Variants in ANKRD12 observed in about 807,000 individuals in gnomAD.
ANKRD12 encodes the protein ankyrin repeat domain-containing protein 12.
A neutral mutation model predicts 183.4 loss-of-function variants in ANKRD12; 85 were observed. The observed-to-expected ratio is 0.46, with a 90% CI of 0.39 to 0.56. The LOEUF is 0.56. ANKRD12 is among the 20% of genes least tolerant of loss of function. The probability of loss-of-function intolerance (pLI) is 0.00; values close to 1 mark genes in which losing one functional copy is unlikely to be tolerated. For synonymous variants in ANKRD12, 914 were observed against 800.2 expected (o/e 1.14, Z -2.40); for missense variants, 2,405 against 2,357.1 (o/e 1.02, Z -0.42).
At chr18:9,228,485 A>AT (rs1332421075) in intron 8 of ANKRD12, among the ~76,000 whole-genome samples, 1 of 152,018 alleles carries the variant, frequency 6.6e-6, no homozygotes, top group Non-Finnish European at 1.5e-5. Flanking sequence ...AGTAACTGTT[A>AT]TTTTTTGTCT....
intron 2 of ANKRD12, among the ~76,000 whole-genome samples, chr18:9,195,042 G>A (rs2034692176): frequency 6.6e-6 from 1 of 152,156 alleles, no homozygotes; most frequent in African/African-American, 2.4e-5. Context: ...CAGCAACATG[G>A]ATGGAGCTGG....
intron 8 of ANKRD12, among the ~76,000 whole-genome samples, chr18:9,248,612 A>G (rs1331876717): frequency 6.6e-6 from 1 of 152,240 alleles, no homozygotes; most frequent in Non-Finnish European, 1.5e-5. Flanking sequence ...CATAAAGTAC[A>G]TATATAAATA....
chr18:9,203,471 G>A (rs72937277), intron 3 of ANKRD12, among the ~76,000 whole-genome samples: 3,800 of 152,152 alleles, frequency 0.025, 76 homozygotes, highest in Non-Finnish European at 0.032. Context: ...GCATTTATAA[G>A]TCAAAATATA....
chr18:9,205,172 A>G (rs542449597), intron 4 of ANKRD12, among the ~76,000 whole-genome samples: 5 of 152,334 alleles, frequency 3.3e-5, no homozygotes, highest in African/African-American at 9.6e-5. Context: ...TGCTCCAGAT[A>G]GAATACAAGA....
rs72935268 is a variant in ANKRD12 at position 9,158,212 on chromosome 18, C to T, written c.-52+21247C>T. 2.0e-3 allele frequency among the ~76,000 whole-genome samples: 303 copies of T among 152,162 alleles called. 2 individuals carry two copies. The highest frequency in any genetic ancestry group is 3.4e-3 in the Middle Eastern group (1 of 294). ...TTCCTGTGTACCTTTATACCAGTTG[C>T]CTCTATTAACATCTTACATTGGGAT... is the stretch of plus-strand genomic sequence containing the variant. On this transcript the variant is annotated intron_variant, in intron 1 of 12. Coordinates refer to ENST00000262126, the MANE Select transcript of ANKRD12 (RefSeq NM_015208.5).
chr18:9,147,581 C>A (rs1211521870), intron 1 of ANKRD12, among the ~76,000 whole-genome samples: 1 of 152,164 alleles, frequency 6.6e-6, no homozygotes, highest in Non-Finnish European at 1.5e-5. Context: ...GTGACCTATT[C>A]AGTGAAGCCT....
At chr18:9,182,561 GA>G in intron 2 of ANKRD12, 42 bp downstream of exon 2, 22 of 1,300,534 alleles carry the variant, frequency 1.7e-5, no homozygotes, top group Admixed American at 6.7e-5. Flanking sequence ...TTTGAACTGG[GA>G]AAAAGACTCC....
At chr18:9,202,303 C>T (rs1228643393) in intron 3 of ANKRD12, among the ~76,000 whole-genome samples, 1 of 152,102 alleles carries the variant, frequency 6.6e-6, no homozygotes, top group East Asian at 1.9e-4. Context: ...AAGGGTTTAC[C>T]ATATTATAAT....
At chr18:9,230,505 AGTTT>A (rs993660625) in intron 8 of ANKRD12, among the ~76,000 whole-genome samples, 9 of 151,022 alleles carry the variant, frequency 6.0e-5, no homozygotes, top group Non-Finnish European at 1.2e-4. Context: ...CATGAGGTTT[AGTTT>A]GTTTTTGCTT....
In ANKRD12 at chr18:9,256,880, T is replaced by A; in HGVS notation, c.3613T>A (p.Ser1205Thr). 6.2e-7 allele frequency: 1 copy of A among 1,613,974 alleles called. No homozygotes were observed. Among genetic ancestry groups the A allele is most frequent in the Non-Finnish European group, 8.5e-7 (1 of 1,179,954 alleles). The change falls in exon 9 of 13, where the codon TCC (serine) becomes ACC (threonine). Residue 1205 changes from serine to threonine, a missense_variant. This residue lies in a region of ANKRD12 where 1,983 missense variants were observed against 1,725.9 expected (regional missense o/e 1.15). Coordinates refer to ENST00000262126, the MANE Select transcript of ANKRD12 (RefSeq NM_015208.5). ...GCCGGGTCTCAGCTCCAGATCTGTATCCATGATTTCTGTTGCTAGTTCAGA... is the reference window on the plus strand; with the variant it reads ...GCCGGGTCTCAGCTCCAGATCTGTAACCATGATTTCTGTTGCTAGTTCAGA... Reference protein sequence around the residue: ...EKPGLSSRSVSMISVASSEDS... With the variant: ...EKPGLSSRSVTMISVASSEDS...
At chr18:9,145,202 A>G (rs2078452846) in intron 1 of ANKRD12, among the ~76,000 whole-genome samples, 1 of 152,150 alleles carries the variant, frequency 6.6e-6, no homozygotes, top group Admixed American at 6.5e-5. Context: ...AGCTCACTAC[A>G]GCCTCAAACT....
In ANKRD12 at chr18:9,218,557, T is replaced by C. The variant is rs147158165; in HGVS notation, c.795+1657T>C. Among the ~76,000 whole-genome samples the C allele has an allele frequency of 6.9e-3, 1,051 of 152,328 alleles. 23 individuals are homozygous for C. The highest frequency in any genetic ancestry group is 0.024 in the African/African-American group (993 of 41,580). ...ATGGGAAAAGCAGAAATATAACGGT[T>C]CTGTAGCCAGATCTAAATTATTATA... On this transcript the variant is annotated intron_variant, in intron 7 of 12. Transcript: ENST00000262126.
At chr18:9,195,435 C>A in intron 2 of ANKRD12, 116 bp from the exon 3 acceptor site, 1 of 598,822 alleles carries the variant, frequency 1.7e-6, no homozygotes, top group Non-Finnish European at 2.5e-6. Flanking sequence ...ACATTGAATA[C>A]AGTGATAGGT....
intron 8 of ANKRD12, among the ~76,000 whole-genome samples, chr18:9,253,744 G>C (rs75247834): frequency 1.3e-5 from 2 of 152,088 alleles, no homozygotes; most frequent in African/African-American, 4.8e-5. Flanking sequence ...GCATAAATGC[G>C]GAGAAAGGGG....
intron 1 of ANKRD12, among the ~76,000 whole-genome samples, chr18:9,163,270 G>A (rs1598425234): frequency 6.6e-6 from 1 of 152,106 alleles, no homozygotes; most frequent in African/African-American, 2.4e-5. Flanking sequence ...TGGCTACCCA[G>A]CTCTCCTAAC....
intron 10 of ANKRD12, among the ~76,000 whole-genome samples, chr18:9,265,377 A>G (rs1220797859): frequency 6.6e-6 from 1 of 152,224 alleles, no homozygotes; most frequent in African/African-American, 2.4e-5. Flanking sequence ...GCACCCCCCC[A>G]GTAGGTGCAG....
chr18:9,251,497 G>A (rs1439107699), intron 8 of ANKRD12, among the ~76,000 whole-genome samples: 1 of 151,930 alleles, frequency 6.6e-6, no homozygotes, highest in Non-Finnish European at 1.5e-5. Context: ...TTTTTTCACG[G>A]AGAAGAAAAA....
At chr18:9,191,393 T>TA (rs1432229975) in intron 2 of ANKRD12, among the ~76,000 whole-genome samples, 1 of 152,248 alleles carries the variant, frequency 6.6e-6, no homozygotes, top group Non-Finnish European at 1.5e-5. Context: ...AGTTAGCAGT[T>TA]ATGATAGTTA....
chr18:9,194,981 A>G (rs1598515369), intron 2 of ANKRD12, among the ~76,000 whole-genome samples: 1 of 152,196 alleles, frequency 6.6e-6, no homozygotes, highest in African/African-American at 2.4e-5. Flanking sequence ...GTATATACAC[A>G]CCATGGAACA....
Sources: allele counts gnomAD v4.1 joint callset (sites outside exome capture counted in the v4.1 genomes callset), GRCh38; gene constraint gnomAD v4.1.1; regional missense constraint gnomAD v4.1.1; transcripts MANE v1.5; gene names NCBI Gene and HGNC (gene_info 2026-07-23, HGNC 2026-07-21).